The following PHTF1 variants were observed in gnomAD, a reference collection of about 807,000 sequenced individuals.
PHTF1 encodes the protein protein PHTF1.
Under a neutral mutation model 102.4 loss-of-function variants are expected in PHTF1, and 88 were observed. That is an observed-to-expected ratio of 0.86 (90% CI 0.72 to 1.03). PHTF1 has a LOEUF of 1.03. Ranked by LOEUF, PHTF1 falls within the 50% of genes least tolerant of loss-of-function variation. The probability of loss-of-function intolerance (pLI) is 0.00; values close to 1 mark genes in which losing one functional copy is unlikely to be tolerated. For missense variants in PHTF1, 814 were observed against 909.5 expected (o/e 0.89, Z 1.35); for synonymous variants, 289 against 305.2 (o/e 0.95, Z 0.55).
rs1162499029 is a variant in PHTF1, at chr1:113,756,906, G to A, written c.102+793C>T. ...CTCTAGGCCGGGCGCGGTGGCTCACGCCTGTAATCCCAGCACTTTGGGAGT... is the reference window on the plus strand; with the variant it reads ...CTCTAGGCCGGGCGCGGTGGCTCACACCTGTAATCCCAGCACTTTGGGAGT... On this transcript the variant is annotated intron_variant, in intron 3 of 18. Transcript: ENST00000369604. Among the ~76,000 whole-genome samples, 8 of 152,158 alleles carry A rather than the reference G, an allele frequency of 5.3e-5. No homozygotes were observed. In the East Asian group the frequency reaches 7.7e-4, roughly 15 times the overall value.
chr1:113,700,262 A>C, intron 16 of PHTF1: 2 of 592,986 alleles, frequency 3.4e-6, no homozygotes, highest in Non-Finnish European at 4.2e-6. Flanking sequence ...AAAAAAAAAC[A>C]GAAACGAATG....
At chr1:113,727,042 G>GTA (rs71590575) in intron 5 of PHTF1, among the ~76,000 whole-genome samples, 4,172 of 147,986 alleles carry the variant, frequency 0.028, 70 homozygotes, top group Middle Eastern at 0.042. Flanking sequence ...ACATATATGT[G>GTA]TATATATATA....
At chr1:113,711,910 T>C in intron 9 of PHTF1, 30 bp downstream of exon 9, 1 of 1,604,846 alleles carries the variant, frequency 6.2e-7, no homozygotes, top group Non-Finnish European at 8.5e-7. Context: ...GATTCAGTCC[T>C]ATACTTTCAT....
rs369496432 is a variant in PHTF1, at chr1:113,709,626, A to G, written c.1269+628T>C. ...TGATGGAGATATAAATAATAATGCT[A>G]ACATTTATTGGGTATTTACTCTTGC... On this transcript the variant is annotated intron_variant, in intron 11 of 18. Transcript: ENST00000369604. Among the ~76,000 whole-genome samples the G allele has an allele frequency of 1.4e-3, 218 of 152,332 alleles. 6 individuals carry two copies. The South Asian group carries it at 0.045, about 31-fold the overall frequency.
In PHTF1 at chr1:113,724,802, C is replaced by CAA. The variant is rs1412269285; in HGVS notation, c.579_580insTT (p.Val194LeufsTer20). On this transcript the variant is annotated frameshift_variant, in exon 7 of 19. Coordinates refer to ENST00000369604, the MANE Select transcript of PHTF1 (RefSeq NM_001323043.2). LOFTEE classifies it high-confidence loss of function. Reference sequence around the variant, plus strand: ...TCCCAAAAACCACCAATAATGGGTACAGATTCCAAAGTTTCTATTCCTCTG... The same window carrying CAA: ...TCCCAAAAACCACCAATAATGGGTACAAAGATTCCAAAGTTTCTATTCCTCTG... The CAA allele has an allele frequency of 3.7e-6, 6 of 1,611,314 alleles. No homozygotes were observed. Among genetic ancestry groups the CAA allele is most frequent in the Non-Finnish European group, 5.1e-6 (6 of 1,178,792 alleles).
chr1:113,753,342 C>T (rs1252901328), intron 3 of PHTF1, among the ~76,000 whole-genome samples: 1 of 152,042 alleles, frequency 6.6e-6, no homozygotes, highest in African/African-American at 2.4e-5. Context: ...TGTTCTTGAC[C>T]TAATTAACTG....
At chr1:113,749,795 T>G (rs1272384651) in intron 3 of PHTF1, among the ~76,000 whole-genome samples, 1 of 152,210 alleles carries the variant, frequency 6.6e-6, no homozygotes, top group Non-Finnish European at 1.5e-5. Flanking sequence ...GCTTTCCCTA[T>G]TGCAGGCACT....
At chr1:113,698,132 A>G in intron 18 of PHTF1, 130 bp downstream of exon 18, 2 of 706,246 alleles carry the variant, frequency 2.8e-6, no homozygotes, top group Non-Finnish European at 4.6e-6. Flanking sequence ...CTTTACCTCA[A>G]GAGTTATTTG....
At chr1:113,700,261 CAG>C (rs1468118909) in intron 16 of PHTF1, 13 of 590,056 alleles carry the variant, frequency 2.2e-5, no homozygotes, top group Non-Finnish European at 2.8e-5. Flanking sequence ...AAAAAAAAAA[CAG>C]AAACGAATGA....
chr1:113,711,978 T>C lies in PHTF1; in HGVS notation c.919A>G (p.Asn307Asp). The change falls in exon 9 of 19, where the codon AAT becomes GAT. Residue 307 changes from asparagine to aspartate, a missense_variant. By Grantham distance (23) the Asn-to-Asp change is conservative. Coordinates refer to ENST00000369604, the MANE Select transcript of PHTF1 (RefSeq NM_001323043.2). ...ASSDNGCEVK[N>D]RKSILSRHLN... Reference sequence around the variant, plus strand: ...TGCCTTGAAAGTATTGATTTTCTATTCTTAACTTCACAACCATTGTCACTT... The same window carrying C: ...TGCCTTGAAAGTATTGATTTTCTATCCTTAACTTCACAACCATTGTCACTT... The C allele has an allele frequency of 1.9e-6, 3 of 1,614,102 alleles. No individual in the cohort carries two copies. The highest frequency in any genetic ancestry group is 1.7e-6 in the Non-Finnish European group (2 of 1,179,964).
intron 3 of PHTF1, among the ~76,000 whole-genome samples, chr1:113,756,257 A>G (rs976279045): frequency 2.0e-5 from 3 of 152,192 alleles, no homozygotes; most frequent in African/African-American, 7.2e-5. Context: ...GAATCACAAA[A>G]TAAAATCTGG....
At chr1:113,740,815 G>A (rs1280364045) in intron 3 of PHTF1, among the ~76,000 whole-genome samples, 1 of 122,654 alleles carries the variant, frequency 8.2e-6, no homozygotes, top group East Asian at 3.2e-4. Flanking sequence ...GAGGATACTT[G>A]AGGTCAAGAG....
rs1362744671 is a variant in PHTF1, at chr1:113,704,800, A to G, written c.1672-3T>C. On this transcript the variant is annotated splice_polypyrimidine_tract_variant and splice_region_variant and intron_variant, in intron 13 of 18. Transcript: ENST00000369604. The stretch of plus-strand genomic sequence containing the variant: ...AAGAGTTTTGCAAATAAAAATCTCT[A>G]GAAGAGATTTAAAAAAAATCACAGT... 1.9e-6 allele frequency: 3 copies of G among 1,570,690 alleles called. No homozygotes were observed. The Admixed American group carries it at 5.4e-5, about 28-fold the overall frequency.
At chr1:113,755,937 G>A (rs1361104074) in intron 3 of PHTF1, among the ~76,000 whole-genome samples, 1 of 151,658 alleles carries the variant, frequency 6.6e-6, no homozygotes, top group Non-Finnish European at 1.5e-5. Context: ...CATGGTGGCG[G>A]GCCCCTGTAG....
At chr1:113,701,037 T>C (rs1203171353) in intron 15 of PHTF1, 88 bp from the exon 16 acceptor site, 1 of 956,284 alleles carries the variant, frequency 1.0e-6, no homozygotes, top group African/African-American at 1.7e-5. Context: ...TAAGAACATT[T>C]CCAAAAATCC....
chr1:113,701,098 CTATT>C (rs1649391116), intron 15 of PHTF1, 149 bp from the exon 16 acceptor site: 1 of 632,080 alleles, frequency 1.6e-6, no homozygotes, highest in Non-Finnish European at 2.7e-6. Flanking sequence ...TAACTATTAC[CTATT>C]TATTTAATCA....
chr1:113,758,138 A>C (rs1327662981), intron 2 of PHTF1, among the ~76,000 whole-genome samples: 5 of 145,822 alleles, frequency 3.4e-5, no homozygotes, highest in Admixed American at 2.9e-4. Flanking sequence ...GATCCCAGCT[A>C]CTCCAGAGGC....
Position 113,757,755 on chromosome 1 carries a change from T to C in PHTF1, c.46A>G (p.Ile16Val). 10 of 1,590,294 alleles carry C rather than the reference T, an allele frequency of 6.3e-6. No homozygotes were observed. The highest frequency in any genetic ancestry group is 8.6e-6 in the Non-Finnish European group (10 of 1,158,336). The change falls in exon 3 of 19, where the codon ATT becomes GTT. Residue 16 changes from isoleucine to valine, a missense_variant and splice_region_variant. Coordinates refer to ENST00000369604, the MANE Select transcript of PHTF1 (RefSeq NM_001323043.2). ...CATATCTGCTGATCGTAGGCTCCAA[T>C]CTGAAAGAGGGAGTAGTCTATTAGT... is the stretch of plus-strand genomic sequence containing the variant. ...RDAISWYQKK[I>V]GAYDQQIWEK...
intron 3 of PHTF1, among the ~76,000 whole-genome samples, chr1:113,748,827 C>CA (rs574227083): frequency 1.8e-4 from 28 of 152,336 alleles, no homozygotes; most frequent in African/African-American, 6.7e-4. Flanking sequence ...CCACTGTACC[C>CA]AGCCACCCCT....
Sources: gnomAD v4.1 joint callset for allele counts (sites outside exome capture counted in the v4.1 genomes callset) on GRCh38, gnomAD v4.1.1 for gene constraint, MANE v1.5 for transcripts, NCBI Gene and HGNC (gene_info 2026-07-23, HGNC 2026-07-21) for gene names.